The following NKAIN3 variants were observed in gnomAD, a reference collection of about 807,000 sequenced individuals.
NKAIN3 encodes the protein sodium/potassium-transporting ATPase subunit beta-1-interacting protein 3.
In NKAIN3, 25 loss-of-function variants were observed where a neutral mutation model predicts 30.2. The observed-to-expected ratio is 0.83, with a 90% CI of 0.60 to 1.16. The LOEUF is 1.16. Ranked by LOEUF, NKAIN3 falls within the 50% of genes most tolerant of loss-of-function variation. NKAIN3 has a pLI of 0.00. For synonymous variants in NKAIN3, 91 were observed against 89.6 expected, an observed-to-expected ratio of 1.02 and a Z score of -0.09; for missense variants, 225 against 254.1, an observed-to-expected ratio of 0.89 and a Z score of 0.78.
At chr8:62,707,090 C>T (rs1449381299) in intron 3 of NKAIN3, among the ~76,000 whole-genome samples, 1 of 151,184 alleles carries the variant, frequency 6.6e-6, no homozygotes, top group East Asian at 1.9e-4. Context: ...CACACACGCA[C>T]ATATATATAA....
At chr8:62,570,671 G>T (rs879571534) in intron 1 of NKAIN3, among the ~76,000 whole-genome samples, 1 of 152,110 alleles carries the variant, frequency 6.6e-6, no homozygotes, top group Non-Finnish European at 1.5e-5. Flanking sequence ...TAATATATGG[G>T]AATTATGGGA....
At chr8:62,656,499 A>G (rs371919843) in intron 3 of NKAIN3, among the ~76,000 whole-genome samples, 12 of 152,022 alleles carry the variant, frequency 7.9e-5, no homozygotes, top group South Asian at 2.1e-4. Flanking sequence ...AAGAAAGAAA[A>G]AAAGGAAGGT....
intron 4 of NKAIN3, among the ~76,000 whole-genome samples, chr8:62,798,803 C>T (rs1817956289): frequency 6.6e-6 from 1 of 151,968 alleles, no homozygotes; most frequent in Non-Finnish European, 1.5e-5. Context: ...ATACACATAG[C>T]AATTAAGAAT....
At chr8:62,346,513 A>G (rs1252059253) in intron 1 of NKAIN3, among the ~76,000 whole-genome samples, 2 of 152,138 alleles carry the variant, frequency 1.3e-5, no homozygotes, top group African/African-American at 2.4e-5. Context: ...GATCTTGGAA[A>G]TAATTTATCA....
intron 1 of NKAIN3, among the ~76,000 whole-genome samples, chr8:62,471,969 A>C (rs1241191875): frequency 6.6e-6 from 1 of 151,694 alleles, no homozygotes; most frequent in South Asian, 2.1e-4. Context: ...ATCTCAAACC[A>C]ACAAACAAAC....
intron 4 of NKAIN3, among the ~76,000 whole-genome samples, chr8:62,823,336 T>C (rs1818911355): frequency 6.6e-6 from 1 of 152,174 alleles, no homozygotes; most frequent in Non-Finnish European, 1.5e-5. Context: ...CAGATGACTA[T>C]ATACAAAAGC....
chr8:62,863,592 C>A, intron 4 of NKAIN3: 1 of 1,174,848 alleles, frequency 8.5e-7, no homozygotes, highest in Non-Finnish European at 1.3e-6. Context: ...CCATTCATGC[C>A]TGAAATCTTG....
chr8:62,957,562 T>C (rs923208026), intron 6 of NKAIN3, among the ~76,000 whole-genome samples: 3 of 152,170 alleles, frequency 2.0e-5, no homozygotes, highest in African/African-American at 7.2e-5. Flanking sequence ...AGCTATGGCA[T>C]CATGAAATGA....
chr8:62,803,514 A>C (rs1818152163), intron 4 of NKAIN3, among the ~76,000 whole-genome samples: 1 of 152,182 alleles, frequency 6.6e-6, no homozygotes, highest in Non-Finnish European at 1.5e-5. Flanking sequence ...CTGAATGACT[A>C]CTGGGTACAT....
chr8:62,297,621 A>T (rs1328923729), intron 1 of NKAIN3, among the ~76,000 whole-genome samples: 3 of 151,990 alleles, frequency 2.0e-5, no homozygotes, highest in South Asian at 2.1e-4. Context: ...AACCACAATG[A>T]GATACCATCT....
chr8:62,731,610 TTAGCTCGG>T (rs1450518730), intron 3 of NKAIN3, among the ~76,000 whole-genome samples: 3 of 152,120 alleles, frequency 2.0e-5, no homozygotes, highest in African/African-American at 7.2e-5. Flanking sequence ...GCCTAGGAAG[TTAGCTCGG>T]GCTCCCATCC....
chr8:62,421,885 C>T (rs1256898702), intron 1 of NKAIN3, among the ~76,000 whole-genome samples: 1 of 151,916 alleles, frequency 6.6e-6, no homozygotes. Flanking sequence ...GCTATGATGT[C>T]ATATAGTCAG....
chr8:62,660,172 A>G (rs577492982), intron 3 of NKAIN3, among the ~76,000 whole-genome samples: 2 of 152,252 alleles, frequency 1.3e-5, no homozygotes, highest in East Asian at 1.9e-4. Flanking sequence ...TGGAGCAACA[A>G]TCATGAGACC....
At chr8:62,864,193 T>G in intron 4 of NKAIN3, 1 of 653,460 alleles carries the variant, frequency 1.5e-6, no homozygotes, top group Non-Finnish European at 2.6e-6. Flanking sequence ...GAGGAGGCTC[T>G]GGCGGATGGC....
intron 1 of NKAIN3, among the ~76,000 whole-genome samples, chr8:62,449,530 A>G (rs865805296): frequency 7.2e-5 from 11 of 152,076 alleles, no homozygotes; most frequent in African/African-American, 1.9e-4. Context: ...CTTATGTTTC[A>G]TTGAGTTCTA....
chr8:62,592,610 A>T (rs967588331), intron 3 of NKAIN3, among the ~76,000 whole-genome samples: 1 of 152,068 alleles, frequency 6.6e-6, no homozygotes, highest in Non-Finnish European at 1.5e-5. Context: ...CATGTCAATG[A>T]CTATATGAAA....
chr8:62,555,036 A>G (rs1384761776), intron 1 of NKAIN3, among the ~76,000 whole-genome samples: 2 of 118,516 alleles, frequency 1.7e-5, no homozygotes, highest in Admixed American at 1.7e-4. Flanking sequence ...ACACACACAC[A>G]CACACACACA....
At chr8:62,384,922 A>G (rs1585747138) in intron 1 of NKAIN3, among the ~76,000 whole-genome samples, 1 of 152,138 alleles carries the variant, frequency 6.6e-6, no homozygotes, top group South Asian at 2.1e-4. Context: ...GTTGTAAAAA[A>G]TTTATTAGAT....
intron 5 of NKAIN3, among the ~76,000 whole-genome samples, chr8:62,953,102 C>T (rs1823330132): frequency 6.6e-6 from 1 of 151,976 alleles, no homozygotes. Flanking sequence ...CTACACATAT[C>T]CTCCATTTAG....
Sources: allele counts gnomAD v4.1 joint callset (sites outside exome capture counted in the v4.1 genomes callset), GRCh38; gene constraint gnomAD v4.1.1; transcripts MANE v1.5; gene names NCBI Gene and HGNC (gene_info 2026-07-23, HGNC 2026-07-21).